Variants in LYPLAL1 observed in about 807,000 individuals in gnomAD.
LYPLAL1 encodes the protein lysophospholipase-like protein 1.
A neutral mutation model predicts 19.7 loss-of-function variants in LYPLAL1; 23 were observed. The ratio of observed to expected loss-of-function variants is 1.17; its 90% confidence interval spans 0.84 to 1.65. The LOEUF (loss-of-function observed/expected upper bound fraction) is 1.65, where lower values mean the gene tolerates loss of function less well. LYPLAL1 is among the 40% of genes most tolerant of loss of function. The probability of loss-of-function intolerance (pLI) is 0.00; values close to 1 mark genes in which losing one functional copy is unlikely to be tolerated. For synonymous variants in LYPLAL1, 119 were observed against 96.3 expected (o/e 1.24, Z -1.38); for missense variants, 355 against 279.4 (o/e 1.27, Z -1.93).
the LYPLAL1 span, among the ~76,000 whole-genome samples, chr1:219,421,594 C>T: frequency 5.4e-4 from 82 of 152,270 alleles, no homozygotes; most frequent in Middle Eastern, 0.01. Flanking sequence ...CAAATTTGAG[C>T]ACTGATTCCA....
the LYPLAL1 span, among the ~76,000 whole-genome samples, chr1:219,290,734 C>T: frequency 6.6e-6 from 1 of 152,132 alleles, no homozygotes; most frequent in African/African-American, 2.4e-5. Flanking sequence ...GGACTCGCCC[C>T]AAATTCTTTC....
At chr1:219,195,505 T>C (rs1022413101) in intron 3 of LYPLAL1, among the ~76,000 whole-genome samples, 1 of 152,114 alleles carries the variant, frequency 6.6e-6, no homozygotes, top group African/African-American at 2.4e-5. Context: ...TGAGTGTGTA[T>C]TGAAGAGTTT....
the LYPLAL1 span, among the ~76,000 whole-genome samples, chr1:219,403,879 A>C: frequency 6.6e-6 from 1 of 152,022 alleles, no homozygotes. Context: ...TATATATCTT[A>C]TTCAGCTTGA....
At chr1:219,275,349 C>T in the LYPLAL1 span, among the ~76,000 whole-genome samples, 1 of 152,120 alleles carries the variant, frequency 6.6e-6, no homozygotes, top group African/African-American at 2.4e-5. Flanking sequence ...TTCCCAAGTT[C>T]CTGGAGAGCA....
At chr1:219,423,908 T>C in the LYPLAL1 span, among the ~76,000 whole-genome samples, 1 of 151,860 alleles carries the variant, frequency 6.6e-6, no homozygotes, top group Non-Finnish European at 1.5e-5. Context: ...GACAAATAAA[T>C]CTCATCCAAG....
At chr1:219,384,232 T>C in the LYPLAL1 span, among the ~76,000 whole-genome samples, 2 of 152,360 alleles carry the variant, frequency 1.3e-5, no homozygotes, top group East Asian at 3.9e-4. Flanking sequence ...AAAATCTTCC[T>C]TAGACACCCA....
At chr1:219,372,830 G>T in the LYPLAL1 span, among the ~76,000 whole-genome samples, 1 of 152,212 alleles carries the variant, frequency 6.6e-6, no homozygotes, top group Admixed American at 6.5e-5. Flanking sequence ...CCTGAGCCTG[G>T]GAGGTAGAGG....
intron 1 of LYPLAL1, among the ~76,000 whole-genome samples, chr1:219,176,102 G>A (rs1436209285): frequency 1.3e-5 from 2 of 152,178 alleles, no homozygotes; most frequent in Non-Finnish European, 2.9e-5. Flanking sequence ...GGAGATAGCA[G>A]CCATAGAAGA....
At chr1:219,217,951 C>T in the LYPLAL1 span, among the ~76,000 whole-genome samples, 7 of 151,926 alleles carry the variant, frequency 4.6e-5, no homozygotes, top group Non-Finnish European at 8.8e-5. Context: ...AGGAGAGAGA[C>T]ACATTAGGAT....
the LYPLAL1 span, among the ~76,000 whole-genome samples, chr1:219,445,408 T>TGG: frequency 1.7e-3 from 96 of 55,666 alleles, 1 homozygote; most frequent in Middle Eastern, 0.013. Context: ...TTATTCAAAT[T>TGG]GGGGGGGGGG....
At chr1:219,396,646 TG>T in the LYPLAL1 span, among the ~76,000 whole-genome samples, 1 of 152,210 alleles carries the variant, frequency 6.6e-6, no homozygotes, top group African/African-American at 2.4e-5. Flanking sequence ...TTCATCTCCC[TG>T]GTTAACTGTA....
At chr1:219,299,013 A>G in the LYPLAL1 span, among the ~76,000 whole-genome samples, 1 of 152,226 alleles carries the variant, frequency 6.6e-6, no homozygotes, top group South Asian at 2.1e-4. Context: ...CAAGAGACTT[A>G]ATTTTAGAGC....
chr1:219,199,396 A>G (rs1657887867), intron 3 of LYPLAL1, among the ~76,000 whole-genome samples: 1 of 152,074 alleles, frequency 6.6e-6, no homozygotes, highest in Non-Finnish European at 1.5e-5. Context: ...GAAAAATTGT[A>G]CAAGTAAGCA....
At chr1:219,373,300 T>G in the LYPLAL1 span, among the ~76,000 whole-genome samples, 1 of 152,202 alleles carries the variant, frequency 6.6e-6, no homozygotes, top group African/African-American at 2.4e-5. Flanking sequence ...TCCCATCACT[T>G]CCTTGTGAAG....
At chr1:219,174,256 C>T (rs1315497148) in intron 1 of LYPLAL1, 18 of 1,354,572 alleles carry the variant, frequency 1.3e-5, no homozygotes, top group Non-Finnish European at 1.7e-5. Context: ...ATCCCCACAA[C>T]ACACCTCCCC....
chr1:219,177,467 A>G (rs1264152919), intron 1 of LYPLAL1, among the ~76,000 whole-genome samples: 1 of 152,036 alleles, frequency 6.6e-6, no homozygotes, highest in Non-Finnish European at 1.5e-5. Flanking sequence ...TAGTTGCTCA[A>G]TCAACCCATG....
chr1:219,365,556 G>A, the LYPLAL1 span, among the ~76,000 whole-genome samples: 10,230 of 152,172 alleles, frequency 0.067, 484 homozygotes, highest in South Asian at 0.12. Flanking sequence ...TCATTTGACT[G>A]TCAATGTCAA....
the LYPLAL1 span, among the ~76,000 whole-genome samples, chr1:219,248,806 ATAT>A: frequency 5.9e-5 from 9 of 152,270 alleles, no homozygotes; most frequent in East Asian, 1.2e-3. Context: ...CTTCTTTAAA[ATAT>A]TATATGTTCA....
intron 2 of LYPLAL1, among the ~76,000 whole-genome samples, chr1:219,180,027 C>T (rs1656142739): frequency 6.6e-6 from 1 of 151,898 alleles, no homozygotes; most frequent in Non-Finnish European, 1.5e-5. Flanking sequence ...GACAGAGTCT[C>T]ACTCTGTTGC....
Sources: gnomAD v4.1 joint callset for allele counts (sites outside exome capture counted in the v4.1 genomes callset) on GRCh38, gnomAD v4.1.1 for gene constraint, MANE v1.5 for transcripts, NCBI Gene and HGNC (gene_info 2026-07-23, HGNC 2026-07-21) for gene names.